The following NEDD4L variants were observed in gnomAD, a reference collection of about 807,000 sequenced individuals.
NEDD4L encodes NEDD4 like E3 ubiquitin protein ligase.
Under a neutral mutation model 148.9 loss-of-function variants are expected in NEDD4L, and 54 were observed. The observed-to-expected ratio is 0.36, with a 90% CI of 0.29 to 0.45. The LOEUF is 0.45. Among genes scored for constraint, NEDD4L ranks in the 20% least tolerant of loss-of-function variants. The pLI is 1.00. For synonymous variants in NEDD4L, 433 were observed against 440.7 expected (o/e 0.98, Z 0.22); for missense variants, 856 against 1,233.8 (o/e 0.69, Z 4.59).
chr18:58,312,776 G>A (rs1295313837), intron 5 of NEDD4L, among the ~76,000 whole-genome samples: 1 of 152,202 alleles, frequency 6.6e-6, no homozygotes, highest in Non-Finnish European at 1.5e-5. Context: ...CGCCTCCCGG[G>A]TTCAAGCGAT....
chr18:58,222,991 G>A (rs1405510283), intron 2 of NEDD4L, among the ~76,000 whole-genome samples: 1 of 150,584 alleles, frequency 6.6e-6, no homozygotes, highest in Non-Finnish European at 1.5e-5. Context: ...AGTTTCATTA[G>A]CAATGACCAG....
intron 2 of NEDD4L, among the ~76,000 whole-genome samples, chr18:58,239,279 A>G (rs1159749958): frequency 6.6e-6 from 1 of 152,242 alleles, no homozygotes; most frequent in Non-Finnish European, 1.5e-5. Flanking sequence ...TCTTCCTTTT[A>G]CAGCAAAAAG....
chr18:58,231,234 T>A (rs1488425237), intron 2 of NEDD4L, among the ~76,000 whole-genome samples: 1 of 76,216 alleles, frequency 1.3e-5, no homozygotes, highest in African/African-American at 7.7e-5. Context: ...CGAGACCCTA[T>A]CTCAAAAAAA....
At chr18:58,114,379 T>C (rs994933205) in intron 1 of NEDD4L, among the ~76,000 whole-genome samples, 8 of 147,122 alleles carry the variant, frequency 5.4e-5, no homozygotes, top group South Asian at 2.2e-4. Context: ...CACACACACA[T>C]ACACACATAT....
chr18:58,328,293 C>T (rs1193929505), intron 9 of NEDD4L, among the ~76,000 whole-genome samples: 1 of 152,182 alleles, frequency 6.6e-6, no homozygotes, highest in Non-Finnish European at 1.5e-5. Context: ...TGAATCAAAA[C>T]TTTTAGATCC....
intron 2 of NEDD4L, among the ~76,000 whole-genome samples, chr18:58,175,802 C>G (rs2038064474): frequency 6.6e-6 from 1 of 152,250 alleles, no homozygotes; most frequent in African/African-American, 2.4e-5. Context: ...CTAACAACCA[C>G]ACAACTATTT....
intron 5 of NEDD4L, among the ~76,000 whole-genome samples, chr18:58,282,392 A>C (rs2053274892): frequency 1.3e-5 from 2 of 152,216 alleles, no homozygotes; most frequent in Admixed American, 1.3e-4. Flanking sequence ...ACACCACTGA[A>C]ATTTATACTG....
At chr18:58,148,955 G>A (rs925351533) in intron 1 of NEDD4L, among the ~76,000 whole-genome samples, 2 of 152,216 alleles carry the variant, frequency 1.3e-5, no homozygotes, top group African/African-American at 4.8e-5. Flanking sequence ...TTGGCTGAAT[G>A]ATACACTACT....
chr18:58,272,811 G>GTA, intron 5 of NEDD4L, among the ~76,000 whole-genome samples: 1 of 152,334 alleles, frequency 6.6e-6, no homozygotes, highest in Non-Finnish European at 1.5e-5. Flanking sequence ...GATGCAAGTA[G>GTA]TACATAAGAC....
chr18:58,195,615 G>A (rs1008899), intron 2 of NEDD4L: 345,782 of 1,345,426 alleles, frequency 0.26, 46,323 homozygotes, highest in East Asian at 0.46. Context: ...GGGAGCTGGC[G>A]GAGACCAGGA....
At position 58,066,842 on chromosome 18, in the gene NEDD4L, G is replaced by A. The variant is rs115887866; in HGVS notation, c.48+22134G>A. ...GTGCCACATATTTTTAAATAACCAA[G>A]CACAGACTCACTATCACGAGAGCAA... On this transcript the variant is annotated intron_variant, in intron 1 of 30. Transcript: ENST00000400345. Among the ~76,000 whole-genome samples, 469 of 152,092 alleles carry A rather than the reference G, an allele frequency of 3.1e-3. 3 individuals are homozygous for A. Among genetic ancestry groups the A allele is most frequent in the African/African-American group, 0.01 (423 of 41,480 alleles).
chr18:58,374,296 T>C lies in NEDD4L; in HGVS notation c.2352+1027T>C, dbSNP rs1568893661. Among the ~76,000 whole-genome samples the C allele has an allele frequency of 2.0e-5, 3 of 152,246 alleles. No homozygotes were observed. In the East Asian group the frequency reaches 5.8e-4, roughly 29 times the overall value. On this transcript the variant is annotated intron_variant, in intron 24 of 30. Coordinates refer to ENST00000400345, the MANE Select transcript of NEDD4L (RefSeq NM_001144967.3). ...TGAGCCAGGAGAGTTCAGTCTCTAG[T>C]GTGAGTCCTGGTGTGGGTGGAACCT...
At chr18:58,308,343 C>T (rs939535413) in intron 5 of NEDD4L, among the ~76,000 whole-genome samples, 7 of 152,334 alleles carry the variant, frequency 4.6e-5, no homozygotes, top group Non-Finnish European at 8.8e-5. Flanking sequence ...GGGGTTTCTA[C>T]ATCTGCATTT....
chr18:58,083,049 C>T (rs1374108730), intron 1 of NEDD4L, among the ~76,000 whole-genome samples: 1 of 152,114 alleles, frequency 6.6e-6, no homozygotes, highest in Admixed American at 6.5e-5. Context: ...GGAATCTTAA[C>T]AGGTTAAGAT....
intron 2 of NEDD4L, among the ~76,000 whole-genome samples, chr18:58,214,539 G>A (rs479865): frequency 0.3 from 46,141 of 151,648 alleles, 7,399 homozygotes; most frequent in East Asian, 0.47. Context: ...TAAAATAGGT[G>A]GTGCTCTTAA....
intron 5 of NEDD4L, among the ~76,000 whole-genome samples, chr18:58,289,198 G>A (rs770245942): frequency 6.6e-6 from 1 of 152,182 alleles, no homozygotes; most frequent in Non-Finnish European, 1.5e-5. Flanking sequence ...TATACGCTGT[G>A]TACAAATTAG....
At chr18:58,346,091 A>G (rs2043025335) in intron 16 of NEDD4L, among the ~76,000 whole-genome samples, 1 of 152,066 alleles carries the variant, frequency 6.6e-6, no homozygotes, top group Non-Finnish European at 1.5e-5. Context: ...AGAAAGAAAG[A>G]TTGGCTTTGT....
At position 58,398,918 on chromosome 18, in the gene NEDD4L, A is replaced by G. The variant is rs2050661415; in HGVS notation, c.*2649A>G. 1 of 152,236 alleles carries G rather than the reference A, an allele frequency of 6.6e-6. No individual in the cohort carries two copies. The highest frequency in any genetic ancestry group is 6.5e-5 in the Admixed American group (1 of 15,284). 9.4% of individuals were successfully genotyped at this position (152,236 alleles called of 1,614,324 possible). Reference sequence around the variant, plus strand: ...TGGGGGAGAGAGGGCAGTGTTGCCTATCCCAGAGGTCCCAGCAGTCACACT... The same window carrying G: ...TGGGGGAGAGAGGGCAGTGTTGCCTGTCCCAGAGGTCCCAGCAGTCACACT... On this transcript the variant is annotated 3_prime_UTR_variant, in exon 31 of 31. Transcript: ENST00000400345.
intron 2 of NEDD4L, among the ~76,000 whole-genome samples, chr18:58,224,916 C>T (rs1444191675): frequency 2.0e-5 from 3 of 152,034 alleles, no homozygotes; most frequent in Non-Finnish European, 4.4e-5. Context: ...AAGCATTGGT[C>T]TGAATGAGGA....
Sources: allele counts gnomAD v4.1 joint callset (sites outside exome capture counted in the v4.1 genomes callset), GRCh38; gene constraint gnomAD v4.1.1; transcripts MANE v1.5; gene names NCBI Gene and HGNC (gene_info 2026-07-23, HGNC 2026-07-21).